Variants in SENP7 observed in about 807,000 individuals in gnomAD.
SENP7 encodes the protein SUMO specific peptidase 7, also known as sentrin-specific protease 7.
SENP7 carries 64 observed loss-of-function variants against 141.2 expected under a neutral mutation model. That is an observed-to-expected ratio of 0.45 (90% CI 0.37 to 0.56). SENP7 has a LOEUF of 0.56. Ranked by LOEUF, SENP7 falls within the 20% of genes least tolerant of loss-of-function variation. The pLI is 0.00. For missense variants in SENP7, 1,025 were observed against 1,212.2 expected (o/e 0.85, Z 2.29); for synonymous variants, 382 against 426.4 (o/e 0.90, Z 1.28).
intron 5 of SENP7, among the ~76,000 whole-genome samples, chr3:101,410,509 G>A (rs1333200339): frequency 6.6e-6 from 1 of 152,138 alleles, no homozygotes; most frequent in Admixed American, 6.6e-5. Context: ...CTGCAAAAAT[G>A]TGGAACTAAC....
At chr3:101,424,468 C>A (rs2061890918) in intron 4 of SENP7, among the ~76,000 whole-genome samples, 1 of 152,134 alleles carries the variant, frequency 6.6e-6, no homozygotes, top group Admixed American at 6.5e-5. Flanking sequence ...CATTGCAGTG[C>A]AAACCATGGC....
At chr3:101,488,568 G>C (rs968436104) in intron 3 of SENP7, among the ~76,000 whole-genome samples, 2 of 152,172 alleles carry the variant, frequency 1.3e-5, no homozygotes, top group Admixed American at 1.3e-4. Flanking sequence ...CAGGCCAGGC[G>C]CGGTGGCTCA....
intron 3 of SENP7, among the ~76,000 whole-genome samples, chr3:101,463,377 A>ATATATG (rs1553744672): frequency 5.7e-5 from 5 of 87,414 alleles, no homozygotes; most frequent in African/African-American, 5.3e-5. Flanking sequence ...ATATATATAT[A>ATATATG]TATATATATA....
In SENP7 at chr3:101,361,852, C is replaced by T; in HGVS notation, c.1486G>A (p.Glu496Lys). 1.9e-6 allele frequency: 3 copies of T among 1,595,478 alleles called. No homozygotes were observed. Among genetic ancestry groups the T allele is most frequent in the Admixed American group, 3.7e-5 (2 of 54,644 alleles). Residue 496 changes from glutamate to lysine, a missense_variant, in exon 11 of 24, where the codon GAA becomes AAA. By Grantham distance (56) the Glu-to-Lys change is moderately conservative. This residue lies in a region of SENP7 where 228 missense variants were observed against 228.5 expected (regional missense o/e 1.00). Transcript: ENST00000394095. The stretch of plus-strand genomic sequence containing the variant: ...ATGACAGGATTATATGGGCATAATT[C>T]AGATGACATCTAACAAGGAATAAAT... ...ITCESVQMSS[E>K]LCPYNPVMEN...
intron 3 of SENP7, among the ~76,000 whole-genome samples, chr3:101,474,863 C>A (rs1011529376): frequency 6.6e-6 from 1 of 152,012 alleles, no homozygotes; most frequent in African/African-American, 2.4e-5. Context: ...AGGAATAAGT[C>A]TTCACTACCA....
Position 101,513,072 on chromosome 3 carries a change from T to C in SENP7, c.40+19A>G. On this transcript the variant is annotated intron_variant, in intron 1 of 23. Transcript: ENST00000394095. ...GGGTAGGAGACAATATGTTCAGCCC[T>C]TCTCTGACCCTTTCTCACCGGATGA... The C allele has an allele frequency of 6.2e-7, 1 of 1,612,930 alleles. No individual in the cohort carries two copies. The highest frequency in any genetic ancestry group is 8.5e-7 in the Non-Finnish European group (1 of 1,179,334).
At chr3:101,378,215 A>C (rs2060392580) in intron 6 of SENP7, among the ~76,000 whole-genome samples, 1 of 152,118 alleles carries the variant, frequency 6.6e-6, no homozygotes, top group Non-Finnish European at 1.5e-5. Context: ...AAAAAACCAC[A>C]GTTTGACAAC....
chr3:101,421,802 A>G (rs1466378763), intron 4 of SENP7, among the ~76,000 whole-genome samples: 2 of 152,248 alleles, frequency 1.3e-5, no homozygotes, highest in Non-Finnish European at 2.9e-5. Context: ...TAAGTGTCAT[A>G]AGATTTCTCT....
At chr3:101,348,074 AT>A in intron 12 of SENP7, 23 bp from the exon 13 acceptor site, 1 of 1,510,192 alleles carries the variant, frequency 6.6e-7, no homozygotes, top group Non-Finnish European at 8.9e-7. Flanking sequence ...AAAGACAACA[AT>A]TTAAAAAATT....
intron 12 of SENP7, among the ~76,000 whole-genome samples, chr3:101,351,361 C>A (rs773181627): frequency 4.4e-4 from 67 of 151,420 alleles, no homozygotes; most frequent in Middle Eastern, 3.2e-3. Flanking sequence ...TTATATATAC[C>A]AAAATATTGT....
chr3:101,375,542 CCAAAAAAAA>C (rs1429880192), intron 6 of SENP7, among the ~76,000 whole-genome samples: 6 of 25,512 alleles, frequency 2.4e-4, no homozygotes, highest in Middle Eastern at 0.056. Flanking sequence ...AATTCCATCT[CCAAAAAAAA>C]AAAAAAAAAA....
chr3:101,483,776 G>T (rs1348439173), intron 3 of SENP7, among the ~76,000 whole-genome samples: 2 of 152,144 alleles, frequency 1.3e-5, no homozygotes, highest in Non-Finnish European at 2.9e-5. Flanking sequence ...AATCCCAGCA[G>T]TTTGGGAGGC....
chr3:101,406,341 C>A (rs901005721), intron 5 of SENP7, among the ~76,000 whole-genome samples: 2 of 152,044 alleles, frequency 1.3e-5, no homozygotes, highest in South Asian at 2.1e-4. Context: ...GGACAAAAAA[C>A]CAAACACCGC....
intron 4 of SENP7, among the ~76,000 whole-genome samples, chr3:101,433,846 G>A (rs907107467): frequency 6.6e-6 from 1 of 152,086 alleles, no homozygotes. Context: ...CCCACTTTCA[G>A]CACTGGACAG....
chr3:101,338,119 C>CT (rs1456278361), intron 16 of SENP7, among the ~76,000 whole-genome samples: 1 of 147,826 alleles, frequency 6.8e-6, no homozygotes, highest in Non-Finnish European at 1.5e-5. Flanking sequence ...CATCACTGCA[C>CT]TGTAGCCTGG....
intron 4 of SENP7, among the ~76,000 whole-genome samples, chr3:101,441,699 C>A (rs73865631): frequency 0.045 from 6,827 of 152,142 alleles, 521 homozygotes; most frequent in African/African-American, 0.16. Context: ...CCCTAACCAC[C>A]ACCCTAACCC....
chr3:101,489,841 G>C (rs570054700), intron 3 of SENP7, among the ~76,000 whole-genome samples: 1 of 152,260 alleles, frequency 6.6e-6, no homozygotes, highest in South Asian at 2.1e-4. Context: ...CCACCTAACA[G>C]CCACAGAAAA....
In SENP7 at chr3:101,500,431, C is replaced by G. The variant is rs373275330; in HGVS notation, c.90+639G>C. On this transcript the variant is annotated intron_variant, in intron 2 of 23. Transcript: ENST00000394095. Reference sequence around the variant, plus strand: ...AATTAGCTGGTCATGGTGGCACATCCCTGTATTCCCAGCTACATGGGAGGC... The same window carrying G: ...AATTAGCTGGTCATGGTGGCACATCGCTGTATTCCCAGCTACATGGGAGGC... Among the ~76,000 whole-genome samples, 8 of 152,034 alleles carry G rather than the reference C, an allele frequency of 5.3e-5. No individual in the cohort carries two copies. In the East Asian group the frequency reaches 1.4e-3, roughly 26 times the overall value.
At chr3:101,459,664 G>A (rs1034569715) in intron 3 of SENP7, among the ~76,000 whole-genome samples, 12 of 152,176 alleles carry the variant, frequency 7.9e-5, no homozygotes, top group African/African-American at 2.9e-4. Context: ...TCTGTATTAA[G>A]TTTTGGTTTT....
Sources: gnomAD v4.1 joint callset for allele counts (sites outside exome capture counted in the v4.1 genomes callset) on GRCh38, gnomAD v4.1.1 for gene constraint, gnomAD v4.1.1 regional missense constraint, MANE v1.5 for transcripts, NCBI Gene and HGNC (gene_info 2026-07-23, HGNC 2026-07-21) for gene names.